The following STPG2 variants were observed in gnomAD, a reference collection of about 807,000 sequenced individuals.
The protein encoded by STPG2 is sperm tail PG-rich repeat containing 2, also known as sperm-tail PG-rich repeat-containing protein 2.
STPG2 carries 56 observed loss-of-function variants against 54.2 expected under a neutral mutation model. That is an observed-to-expected ratio of 1.03 (90% CI 0.83 to 1.29). The LOEUF (loss-of-function observed/expected upper bound fraction) is 1.29. STPG2 is among the 50% of genes most tolerant of loss of function. The probability of loss-of-function intolerance (pLI) is 0.00; values close to 1 mark genes in which losing one functional copy is unlikely to be tolerated. For missense variants in STPG2, 596 were observed against 544.9 expected (o/e 1.09, Z -0.93); for synonymous variants, 200 against 181.8 (o/e 1.10, Z -0.81).
chr4:97,787,039 G>A (rs1726849040), intron 9 of STPG2, among the ~76,000 whole-genome samples: 1 of 152,090 alleles, frequency 6.6e-6, no homozygotes, highest in Admixed American at 6.6e-5. Context: ...GGAGACTACT[G>A]TATTCCGATG....
At chr4:97,910,664 G>A (rs1191907976) in intron 8 of STPG2, among the ~76,000 whole-genome samples, 1 of 151,972 alleles carries the variant, frequency 6.6e-6, no homozygotes. Context: ...TGTATAGAAC[G>A]CATTTCAAAA....
At chr4:97,761,577 A>T (rs1725891832) in intron 9 of STPG2, among the ~76,000 whole-genome samples, 8 of 152,194 alleles carry the variant, frequency 5.3e-5, no homozygotes, top group Admixed American at 4.6e-4. Context: ...TATGGTACTT[A>T]GTTATGGCAG....
intron 10 of STPG2, among the ~76,000 whole-genome samples, chr4:97,603,412 T>TA (rs556965392): frequency 6.6e-6 from 1 of 151,538 alleles, no homozygotes; most frequent in African/African-American, 2.4e-5. Flanking sequence ...GGCTGTTACT[T>TA]AAAAAATTAA....
intron 10 of STPG2, among the ~76,000 whole-genome samples, chr4:97,677,579 A>C (rs1722889688): frequency 1.3e-5 from 2 of 152,242 alleles, no homozygotes; most frequent in African/African-American, 4.8e-5. Context: ...TAGCAAGTAA[A>C]GAAAATCATT....
intron 9 of STPG2, among the ~76,000 whole-genome samples, chr4:97,773,596 G>A (rs1726282295): frequency 6.6e-6 from 1 of 152,088 alleles, no homozygotes; most frequent in African/African-American, 2.4e-5. Context: ...ACAGGCATGA[G>A]CCACCACACC....
intron 8 of STPG2, among the ~76,000 whole-genome samples, chr4:97,906,765 C>G (rs1173930717): frequency 6.6e-6 from 1 of 152,024 alleles, no homozygotes; most frequent in Non-Finnish European, 1.5e-5. Context: ...AAGACAAAAA[C>G]CACATGATTA....
At chr4:97,706,112 T>A (rs1259760087) in intron 10 of STPG2, among the ~76,000 whole-genome samples, 1 of 152,148 alleles carries the variant, frequency 6.6e-6, no homozygotes, top group East Asian at 1.9e-4. Context: ...CTTTGAATTT[T>A]TCTTTTTATT....
At chr4:98,080,266 CT>C (rs917612989) in intron 5 of STPG2, among the ~76,000 whole-genome samples, 21 of 149,556 alleles carry the variant, frequency 1.4e-4, no homozygotes, top group African/African-American at 3.4e-4. Context: ...CTTTATTTAC[CT>C]TTTTTTTTAG....
At chr4:97,993,877 G>T (rs1316149541) in intron 5 of STPG2, among the ~76,000 whole-genome samples, 1 of 152,128 alleles carries the variant, frequency 6.6e-6, no homozygotes, top group Non-Finnish European at 1.5e-5. Context: ...GTGCGTAAAG[G>T]TGTTCAAAAT....
intron 7 of STPG2, among the ~76,000 whole-genome samples, chr4:97,956,492 C>A (rs1165558279): frequency 3.3e-5 from 5 of 152,054 alleles, no homozygotes; most frequent in Admixed American, 6.6e-5. Context: ...AACTTTTGCT[C>A]CAGACCTACC....
intron 9 of STPG2, among the ~76,000 whole-genome samples, chr4:97,806,433 A>G (rs1727568605): frequency 6.6e-6 from 1 of 152,166 alleles, no homozygotes; most frequent in Non-Finnish European, 1.5e-5. Flanking sequence ...CCTGGGTGAC[A>G]GGATCATTCA....
At chr4:97,678,133 C>A (rs546260623) in intron 10 of STPG2, among the ~76,000 whole-genome samples, 37 of 151,750 alleles carry the variant, frequency 2.4e-4, no homozygotes, top group African/African-American at 8.9e-4. Flanking sequence ...ATACATGCTT[C>A]AACAAAAATA....
At chr4:98,101,865 T>TCCCCCCCCCC (rs34686297) in intron 5 of STPG2, among the ~76,000 whole-genome samples, 2 of 145,834 alleles carry the variant, frequency 1.4e-5, no homozygotes, top group Non-Finnish European at 3.0e-5. Flanking sequence ...TTCATTATCT[T>TCCCCCCCCCC]CCCCCTCCCC....
chr4:97,767,283 A>G (rs542744748), intron 9 of STPG2, among the ~76,000 whole-genome samples: 147 of 152,142 alleles, frequency 9.7e-4, no homozygotes, highest in Non-Finnish European at 1.5e-3. Flanking sequence ...TATATTTATA[A>G]CAACCCCATG....
chr4:97,892,967 A>G (rs10026181), intron 8 of STPG2: 36,965 of 152,134 alleles, frequency 0.24, 5,281 homozygotes, highest in Middle Eastern at 0.35. Context: ...CAACAGAAAG[A>G]GATGAGTATT....
At chr4:97,535,862 G>A (rs1731516680) in intron 4 of STPG2, among the ~76,000 whole-genome samples, 2 of 152,154 alleles carry the variant, frequency 1.3e-5, no homozygotes, top group East Asian at 1.9e-4. Flanking sequence ...AGTTCCATAT[G>A]AGTTAGACTG....
intron 9 of STPG2, among the ~76,000 whole-genome samples, chr4:97,719,252 C>T (rs1724377477): frequency 6.6e-6 from 1 of 151,884 alleles, no homozygotes; most frequent in Admixed American, 6.6e-5. Context: ...TTATTCACTA[C>T]CCTTCTATAG....
intron 4 of STPG2, among the ~76,000 whole-genome samples, chr4:97,504,658 T>G (rs1553933847): frequency 6.6e-6 from 1 of 151,944 alleles, no homozygotes; most frequent in Non-Finnish European, 1.5e-5. Context: ...CTATAACATC[T>G]GAAACATAGG....
intron 5 of STPG2, among the ~76,000 whole-genome samples, chr4:98,015,141 G>C (rs1422949949): frequency 6.6e-6 from 1 of 152,058 alleles, no homozygotes; most frequent in Non-Finnish European, 1.5e-5. Flanking sequence ...CAGGACATAG[G>C]CATTGGCAAA....
Sources: gnomAD v4.1 joint callset for allele counts (sites outside exome capture counted in the v4.1 genomes callset) on GRCh38, gnomAD v4.1.1 for gene constraint, MANE v1.5 for transcripts, NCBI Gene and HGNC (gene_info 2026-07-23, HGNC 2026-07-21) for gene names.